ZNF554: variants seen among roughly 807,000 people sequenced by gnomAD.
ZNF554 encodes zinc finger protein 554.
Under a neutral mutation model 21.2 loss-of-function variants are expected in ZNF554, and 15 were observed. The ratio of observed to expected loss-of-function variants is 0.71; its 90% CI spans 0.47 to 1.09. The LOEUF (loss-of-function observed/expected upper bound fraction) is 1.09. Ranked by LOEUF, ZNF554 falls within the 50% of genes least tolerant of loss-of-function variation. The probability of loss-of-function intolerance (pLI) is 0.00; values close to 1 mark genes in which losing one functional copy is unlikely to be tolerated. For synonymous variants in ZNF554, 258 were observed against 251.4 expected (o/e 1.03, Z -0.25); for missense variants, 691 against 662.7 (o/e 1.04, Z -0.47).
At chr19:2,828,084 C>G (rs893812558) in intron 3 of ZNF554, among the ~76,000 whole-genome samples, 1 of 152,122 alleles carries the variant, frequency 6.6e-6, no homozygotes, top group Non-Finnish European at 1.5e-5. Flanking sequence ...CCTGGCTCCA[C>G]CCTTGACGTC....
intron 1 of ZNF554, among the ~76,000 whole-genome samples, chr19:2,822,212 G>A (rs1216929520): frequency 3.3e-5 from 5 of 151,636 alleles, no homozygotes. Flanking sequence ...CACCACACCT[G>A]GCTATTTTTT....
At chr19:2,833,655 A>T in intron 4 of ZNF554, 26 bp from the exon 5 acceptor site, 1 of 1,503,060 alleles carries the variant, frequency 6.7e-7, no homozygotes, top group South Asian at 1.4e-5. Flanking sequence ...TTCTAAAAAA[A>T]TGGTTTCCGC....
At position 2,835,495 on chromosome 19, in the gene ZNF554, G is replaced by T. The variant is rs1366934225; in HGVS notation, c.*643G>T. 1 of 151,168 alleles carries T rather than the reference G, an allele frequency of 6.6e-6. No individual in the cohort carries two copies. The highest frequency in any genetic ancestry group is 1.5e-5 in the Non-Finnish European group (1 of 67,990). The allele number at this position is 151,168 out of a possible 1,614,324, so 9.4% of individuals were successfully genotyped here. On this transcript the variant is annotated 3_prime_UTR_variant, in exon 5 of 5. Coordinates refer to ENST00000317243, the MANE Select transcript of ZNF554 (RefSeq NM_001102651.2). ...TCAAAAAAAAAAAAAAAATTATAGAGTTGGGGTCTTGCTACATTGCCAAGA... is the reference window on the plus strand; with the variant it reads ...TCAAAAAAAAAAAAAAAATTATAGATTTGGGGTCTTGCTACATTGCCAAGA...
Position 2,834,002 on chromosome 19 carries a change from C to G in ZNF554, c.767C>G (p.Ser256Cys), listed in dbSNP as rs2087458777. The G allele has an allele frequency of 6.2e-7, 1 of 1,614,108 alleles. No individual in the cohort carries two copies. Among genetic ancestry groups the G allele is most frequent in the East Asian group, 2.2e-5 (1 of 44,880 alleles). The change falls in exon 5 of 5, where the codon TCC becomes TGC. Residue 256 changes from serine to cysteine, a missense_variant. By Grantham distance (112) the Ser-to-Cys change is moderately radical (BLOSUM62 -1). Coordinates refer to ENST00000317243, the MANE Select transcript of ZNF554 (RefSeq NM_001102651.2). ...GSELDITSLA[S>C]DSVLNHHQLG... ...GAGTTAGATATTACAAGCTTGGCATCCGATTCAGTCTTAAACCACCATCAG... is the reference window on the plus strand; with the variant it reads ...GAGTTAGATATTACAAGCTTGGCATGCGATTCAGTCTTAAACCACCATCAG...
intron 3 of ZNF554, chr19:2,830,765 A>AT (rs33977833): frequency 0.46 from 66,700 of 145,192 alleles, 15,058 homozygotes; most frequent in Middle Eastern, 0.58. Flanking sequence ...CTGTTTTTGT[A>AT]TTTTTTTTTT....
In ZNF554 at chr19:2,830,225, G is replaced by A. The variant is rs139501686; in HGVS notation, c.254-2078G>A. Among the ~76,000 whole-genome samples, 686 of 152,252 alleles carry A rather than the reference G, an allele frequency of 4.5e-3. 6 individuals are homozygous for A. The highest frequency in any genetic ancestry group is 0.016 in the African/African-American group (662 of 41,532). Reference sequence around the variant, plus strand: ...GCTGGGATTACAGGCAGGAGTCACCGTGCCCGGCAGACATTTCATATAAAT... The same window carrying A: ...GCTGGGATTACAGGCAGGAGTCACCATGCCCGGCAGACATTTCATATAAAT... On this transcript the variant is annotated intron_variant, in intron 3 of 4. Coordinates refer to ENST00000317243, the MANE Select transcript of ZNF554 (RefSeq NM_001102651.2).
chr19:2,825,623 G>C (rs2087321745), intron 2 of ZNF554, among the ~76,000 whole-genome samples: 1 of 152,188 alleles, frequency 6.6e-6, no homozygotes, highest in Non-Finnish European at 1.5e-5. Flanking sequence ...TGTAGAAACT[G>C]GGTGTCACTG....
chr19:2,824,981 T>C (rs926325653), intron 2 of ZNF554, among the ~76,000 whole-genome samples: 2 of 149,668 alleles, frequency 1.3e-5, no homozygotes, highest in Admixed American at 6.7e-5. Context: ...CTTCTCTCAC[T>C]GAGCATAACG....
chr19:2,834,819 G>T lies in ZNF554; in HGVS notation c.1584G>T (p.Ala528=). Residue 528 remains alanine (A), a synonymous_variant, in exon 5 of 5, where the codon GCG becomes GCT. Transcript: ENST00000317243. ...KTYKIIDCGK[A]FYQNRHLIGY ...ATAAAATCATTGACTGTGGGAAAGC[G>T]TTCTACCAGAACAGACATCTTATTG... The T allele has an allele frequency of 1.2e-6, 2 of 1,603,042 alleles. No homozygotes were observed. The highest frequency in any genetic ancestry group is 1.7e-6 in the Non-Finnish European group (2 of 1,172,522).
At chr19:2,832,051 G>C in intron 3 of ZNF554, 1 of 255,358 alleles carries the variant, frequency 3.9e-6, no homozygotes, top group South Asian at 7.7e-5. Context: ...TCAGCCTCCT[G>C]AGTAACTGGG....
In ZNF554 at chr19:2,834,050, C is replaced by T; in HGVS notation, c.815C>T (p.Pro272Leu). Residue 272 changes from proline (P) to leucine (L), a missense_variant, in exon 5 of 5, where the codon CCT (proline) becomes CTT (leucine). Pro to Leu is a moderately conservative substitution (Grantham distance 98). Coordinates refer to ENST00000317243, the MANE Select transcript of ZNF554 (RefSeq NM_001102651.2). Reference protein sequence around the residue: ...HHQLGYADRRPCESNECGNAI... With the variant: ...HHQLGYADRRLCESNECGNAI... ...CAGCTGGGATATGCAGATCGGAGAC[C>T]TTGTGAAAGTAATGAATGTGGAAAT... is the stretch of plus-strand genomic sequence containing the variant. 1 of 1,614,068 alleles carries T rather than the reference C, an allele frequency of 6.2e-7. No homozygotes were observed. The highest frequency in any genetic ancestry group is 8.5e-7 in the Non-Finnish European group (1 of 1,180,036).
At chr19:2,832,280 A>ACACAAGGT in intron 3 of ZNF554, 23 bp from the exon 4 acceptor site, 2 of 1,552,168 alleles carry the variant, frequency 1.3e-6, no homozygotes, top group African/African-American at 1.4e-5. Context: ...GCTACCTCTC[A>ACACAAGGT]AGTATACTCT....
At chr19:2,827,470 C>A in intron 2 of ZNF554, 147 bp from the exon 3 acceptor site, 1 of 935,604 alleles carries the variant, frequency 1.1e-6, no homozygotes, top group Non-Finnish European at 1.6e-6. Flanking sequence ...CAAGGACAAG[C>A]ACCCACAAGG....
chr19:2,823,835 T>C (rs960427504), intron 2 of ZNF554, among the ~76,000 whole-genome samples: 3 of 152,130 alleles, frequency 2.0e-5, no homozygotes, highest in East Asian at 3.9e-4. Context: ...GGGGAGGAAG[T>C]GTGTGCCGAC....
chr19:2,834,065 A>T lies in ZNF554; in HGVS notation c.830A>T (p.Glu277Val), dbSNP rs369785038. 1.2e-6 allele frequency: 2 copies of T among 1,614,012 alleles called. No homozygotes were observed. Among genetic ancestry groups the T allele is most frequent in the African/African-American group, 2.7e-5 (2 of 74,948 alleles). Residue 277 changes from glutamate (E) to valine (V), a missense_variant, in exon 5 of 5, where the codon GAA becomes GTA. By Grantham distance (121) the Glu-to-Val change is moderately radical. Coordinates refer to ENST00000317243, the MANE Select transcript of ZNF554 (RefSeq NM_001102651.2). ...YADRRPCESN[E>V]CGNAIRQNSH... ...GATCGGAGACCTTGTGAAAGTAATG[A>T]ATGTGGAAATGCCATCCGCCAGAAC...
At chr19:2,824,991 G>A (rs147598567) in intron 2 of ZNF554, among the ~76,000 whole-genome samples, 15 of 144,784 alleles carry the variant, frequency 1.0e-4, no homozygotes, top group African/African-American at 1.5e-4. Flanking sequence ...TGAGCATAAC[G>A]TGATTGCAGT....
intron 4 of ZNF554, 99 bp downstream of exon 4, chr19:2,832,593 T>A: frequency 1.6e-6 from 2 of 1,271,218 alleles, no homozygotes; most frequent in Non-Finnish European, 2.2e-6. Flanking sequence ...GTAAGGAGAA[T>A]GCCAAGATCC....
In ZNF554 at chr19:2,834,449, A is replaced by G; in HGVS notation, c.1214A>G (p.Glu405Gly). 6.2e-7 allele frequency: 1 copy of G among 1,613,996 alleles called. No homozygotes were observed. The highest frequency in any genetic ancestry group is 1.1e-5 in the South Asian group (1 of 91,074). Residue 405 changes from glutamate to glycine, a missense_variant, in exon 5 of 5, where the codon GAA (glutamate) becomes GGA (glycine). Glu to Gly is a moderately conservative substitution (Grantham distance 98). Coordinates refer to ENST00000317243, the MANE Select transcript of ZNF554 (RefSeq NM_001102651.2). ...LTQHQRIHTG[E>G]KPYKCEDCGK... ...CAGCATCAGAGGATTCACACCGGGG[A>G]AAAGCCCTATAAATGTGAAGACTGT...
chr19:2,823,470 A>G (rs1400516633), intron 2 of ZNF554, among the ~76,000 whole-genome samples: 1 of 152,176 alleles, frequency 6.6e-6, no homozygotes, highest in Non-Finnish European at 1.5e-5. Context: ...ATTTACTGTT[A>G]GAGCAGCTCA....
Sources: allele counts gnomAD v4.1 joint callset (sites outside exome capture counted in the v4.1 genomes callset), GRCh38; gene constraint gnomAD v4.1.1; transcripts MANE v1.5; gene names NCBI Gene and HGNC (gene_info 2026-07-23, HGNC 2026-07-21).